Variants in TXLNB observed in about 807,000 individuals in gnomAD.
TXLNB encodes the protein beta-taxilin.
Under a neutral mutation model 57.4 loss-of-function variants are expected in TXLNB, and 37 were observed. The observed-to-expected ratio is 0.64, with a 90% CI of 0.50 to 0.85. The LOEUF is 0.85. Ranked by LOEUF, TXLNB falls within the 40% of genes least tolerant of loss-of-function variation. The probability of loss-of-function intolerance (pLI) is 0.00; values close to 1 mark genes in which losing one functional copy is unlikely to be tolerated. For missense variants in TXLNB, 848 were observed against 825.6 expected (o/e 1.03, Z -0.33); for synonymous variants, 302 against 309.6 (o/e 0.98, Z 0.26).
intron 8 of TXLNB, among the ~76,000 whole-genome samples, chr6:139,247,368 C>T (rs192544321): frequency 2.6e-5 from 4 of 151,846 alleles, no homozygotes; most frequent in Non-Finnish European, 4.4e-5. Flanking sequence ...TCTCGAACTC[C>T]TGATCTTGTG....
At chr6:139,321,494 C>T in the TXLNB span, among the ~76,000 whole-genome samples, 1 of 150,274 alleles carries the variant, frequency 6.7e-6, no homozygotes. Context: ...AATACCCAGT[C>T]TATGGTACTT....
the TXLNB span, among the ~76,000 whole-genome samples, chr6:139,191,513 G>A: frequency 2.0e-5 from 3 of 152,136 alleles, no homozygotes; most frequent in African/African-American, 7.2e-5. Context: ...CTACCATATT[G>A]GACAGCACCC....
intron 9 of TXLNB, 83 bp downstream of exon 9, chr6:139,244,512 T>C (rs1021094741): frequency 3.2e-6 from 3 of 940,074 alleles, no homozygotes; most frequent in Admixed American, 4.0e-5. Flanking sequence ...CCATTTGTAC[T>C]ATTACCAGGT....
At chr6:139,274,427 A>G (rs1206668406) in intron 3 of TXLNB, among the ~76,000 whole-genome samples, 1 of 152,236 alleles carries the variant, frequency 6.6e-6, no homozygotes, top group Non-Finnish European at 1.5e-5. Context: ...TCTTTTCTGA[A>G]AAGGAAATGT....
chr6:139,289,332 C>A (rs886478512), intron 1 of TXLNB, among the ~76,000 whole-genome samples: 1 of 142,168 alleles, frequency 7.0e-6, no homozygotes, highest in African/African-American at 2.5e-5. Flanking sequence ...GTCACGTACC[C>A]CCTGCTTGCT....
chr6:139,277,088 G>A, intron 2 of TXLNB, 167 bp from the exon 3 acceptor site: 1 of 558,672 alleles, frequency 1.8e-6, no homozygotes, highest in Non-Finnish European at 3.1e-6. Flanking sequence ...CTACCTTACA[G>A]AGTGAACATT....
downstream of TXLNB, among the ~76,000 whole-genome samples, chr6:139,239,825 T>C (rs1306801989): frequency 1.3e-5 from 2 of 151,722 alleles, no homozygotes; most frequent in African/African-American, 2.4e-5. The surrounding 1 kb of genome is among the most constrained non-coding windows in gnomAD (Gnocchi z 4.7). Context: ...AGCCTCATTG[T>C]TATTTCTCCC....
the TXLNB span, among the ~76,000 whole-genome samples, chr6:139,211,402 G>A: frequency 2.0e-5 from 3 of 152,182 alleles, no homozygotes; most frequent in South Asian, 2.1e-4. Flanking sequence ...AACTCCAACA[G>A]ACCTGCAGCT....
Position 139,276,861 on chromosome 6 carries a change from A to G in TXLNB, c.485T>C (p.Phe162Ser), listed in dbSNP as rs1203546486. 3.7e-6 allele frequency: 6 copies of G among 1,603,904 alleles called. No individual in the cohort carries two copies. The highest frequency in any genetic ancestry group is 5.1e-6 in the Non-Finnish European group (6 of 1,177,056). ...LNKLQTPEEK[F>S]DFLFKKYAEL... The stretch of plus-strand genomic sequence containing the variant: ...AGCATACTTCTTGAATAAAAAATCA[A>G]ACTTTTCTTCCGGTGTTTGCAACTT... The change falls in exon 3 of 10, where the codon TTT becomes TCT. Residue 162 changes from phenylalanine to serine, a missense_variant. Physicochemically the swap from Phe to Ser is radical, Grantham distance 155 (BLOSUM62 -2). Transcript: ENST00000358430.
the TXLNB span, among the ~76,000 whole-genome samples, chr6:139,210,791 C>T: frequency 6.6e-6 from 1 of 152,242 alleles, no homozygotes; most frequent in Non-Finnish European, 1.5e-5. Flanking sequence ...CCTAATACTG[C>T]GCTCTTCCAA....
chr6:139,266,564 A>G (rs1342674396), intron 4 of TXLNB, among the ~76,000 whole-genome samples: 1 of 152,196 alleles, frequency 6.6e-6, no homozygotes, highest in Non-Finnish European at 1.5e-5. Flanking sequence ...GAGAAAAAGT[A>G]TTGGTGAAGA....
chr6:139,202,306 A>G, the TXLNB span, among the ~76,000 whole-genome samples: 1 of 152,230 alleles, frequency 6.6e-6, no homozygotes, highest in South Asian at 2.1e-4. Context: ...CCACTATTGT[A>G]CAAATTGGCC....
the TXLNB span, among the ~76,000 whole-genome samples, chr6:139,233,949 G>C: frequency 4.2e-4 from 64 of 152,300 alleles, no homozygotes; most frequent in Non-Finnish European, 9.3e-4. Context: ...TGACCAAAAT[G>C]CTGATAGTGA....
intron 4 of TXLNB, among the ~76,000 whole-genome samples, chr6:139,265,442 G>A (rs185651055): frequency 6.6e-6 from 1 of 152,026 alleles, no homozygotes; most frequent in East Asian, 1.9e-4. Flanking sequence ...GTGTGTGTGT[G>A]TGTCTGTGTG....
intron 8 of TXLNB, among the ~76,000 whole-genome samples, chr6:139,246,953 A>G (rs1021664531): frequency 2.0e-5 from 3 of 152,034 alleles, no homozygotes; most frequent in African/African-American, 7.2e-5. Flanking sequence ...AGTTAAGTGA[A>G]TTGATGAGTA....
chr6:139,214,717 T>C, the TXLNB span, among the ~76,000 whole-genome samples: 1 of 152,334 alleles, frequency 6.6e-6, no homozygotes, highest in South Asian at 2.1e-4. Context: ...CACGATTGTA[T>C]ATCTAGAACC....
At chr6:139,248,593 A>G (rs1434712809) in intron 7 of TXLNB, among the ~76,000 whole-genome samples, 1 of 152,254 alleles carries the variant, frequency 6.6e-6, no homozygotes, top group East Asian at 1.9e-4. Context: ...CATGGACTGT[A>G]TGTACAGAAG....
rs755899086 is a variant in TXLNB, at chr6:139,288,503, A to G, written c.397T>C (p.Leu133=). ...KEPVSNKEQK[L]EKKILKGLGK... ...AATCCTTTTAGGATTTTCTTTTCCA[A>G]TTTTTGCTCCTTATTGCTGACGGGC... The change falls in exon 2 of 10, where the codon TTG becomes CTG. Residue 133 remains leucine, a synonymous_variant. Transcript: ENST00000358430. 26 of 1,613,864 alleles carry G rather than the reference A, an allele frequency of 1.6e-5. No individual in the cohort carries two copies. In the East Asian group the frequency reaches 5.3e-4, roughly 33 times the overall value.
At chr6:139,288,940 T>C (rs770819180) in intron 1 of TXLNB, 27 bp from the exon 2 acceptor site, 4 of 1,549,142 alleles carry the variant, frequency 2.6e-6, no homozygotes, top group East Asian at 2.3e-5. Flanking sequence ...TTAGGCTTTA[T>C]GTAGCTAACC....
Sources: allele counts gnomAD v4.1 joint callset (sites outside exome capture counted in the v4.1 genomes callset), GRCh38; gene constraint gnomAD v4.1.1; non-coding constraint Gnocchi (gnomAD v3.1); transcripts MANE v1.5; gene names NCBI Gene and HGNC (gene_info 2026-07-23, HGNC 2026-07-21).